Variants in NUP160 observed in about 807,000 individuals in gnomAD.
NUP160 encodes nucleoporin 160.
NUP160 carries 94 observed loss-of-function variants against 196.9 expected under a neutral mutation model. The ratio of observed to expected loss-of-function variants is 0.48; its 90% confidence interval spans 0.40 to 0.57. The LOEUF (loss-of-function observed/expected upper bound fraction) is 0.57, where lower values mean the gene tolerates loss of function less well. NUP160 is among the 20% of genes least tolerant of loss of function. The pLI is 0.00. For synonymous variants in NUP160, 605 were observed against 619.7 expected, an observed-to-expected ratio of 0.98 and a Z score of 0.35; for missense variants, 1,638 against 1,748.3, an observed-to-expected ratio of 0.94 and a Z score of 1.13.
intron 4 of NUP160, 162 bp downstream of exon 4, chr11:47,839,681 T>C (rs1318344762): frequency 1.5e-6 from 1 of 649,122 alleles, no homozygotes; most frequent in Non-Finnish European, 2.7e-6. Flanking sequence ...CCTTATCCAC[T>C]GTATAAAAGT....
intron 7 of NUP160, among the ~76,000 whole-genome samples, chr11:47,825,971 TAAAG>T (rs1006125982): frequency 1.2e-4 from 18 of 152,026 alleles, no homozygotes; most frequent in African/African-American, 4.1e-4. Context: ...AAAAAAGTAT[TAAAG>T]AAAAAAAAGC....
In NUP160 at chr11:47,798,036, C is replaced by A. The variant is rs2097671862; in HGVS notation, c.3125G>T (p.Cys1042Phe). The change falls in exon 26 of 36, where the codon TGT becomes TTT. Residue 1042 changes from cysteine (C) to phenylalanine (F), a missense_variant. Physicochemically the swap from Cys to Phe is radical, Grantham distance 205. Transcript: ENST00000378460. ...AAGATCCTGTAGCTGTGAGCGTTCACAAAGAACTACCACCAACTGCCGTAA... is the reference window on the plus strand; with the variant it reads ...AAGATCCTGTAGCTGTGAGCGTTCAAAAAGAACTACCACCAACTGCCGTAA... The A allele has an allele frequency of 6.3e-7, 1 of 1,578,452 alleles. No individual in the cohort carries two copies. Among genetic ancestry groups the A allele is most frequent in the Non-Finnish European group, 8.6e-7 (1 of 1,162,438 alleles).
At chr11:47,793,265 G>A (rs1298331529) in intron 27 of NUP160, among the ~76,000 whole-genome samples, 1 of 152,174 alleles carries the variant, frequency 6.6e-6, no homozygotes, top group African/African-American at 2.4e-5. Flanking sequence ...GATTACAGGT[G>A]TGAGCCACCA....
chr11:47,843,587 T>A (rs933799933), intron 2 of NUP160, among the ~76,000 whole-genome samples: 2 of 152,200 alleles, frequency 1.3e-5, no homozygotes, highest in Admixed American at 1.3e-4. Flanking sequence ...ACCAGGATAT[T>A]AAGCAATATC....
chr11:47,826,570 C>CT (rs1555005591), intron 7 of NUP160, among the ~76,000 whole-genome samples: 43 of 106,970 alleles, frequency 4.0e-4, no homozygotes, highest in African/African-American at 8.2e-4. Flanking sequence ...TCCCCCCCCC[C>CT]TTTTTTTTTT....
intron 7 of NUP160, among the ~76,000 whole-genome samples, chr11:47,835,393 C>T (rs1471476458): frequency 6.6e-6 from 1 of 152,200 alleles, no homozygotes; most frequent in Non-Finnish European, 1.5e-5. Context: ...TGTTTTTTCA[C>T]CTAGAACTCC....
At chr11:47,848,019 G>A (rs1476183735) in intron 1 of NUP160, 60 bp from the exon 2 acceptor site, 2 of 1,411,236 alleles carry the variant, frequency 1.4e-6, no homozygotes, top group Non-Finnish European at 2.0e-6. Flanking sequence ...AGGGACTAAG[G>A]GAGCTGACAA....
At chr11:47,790,353 G>A (rs978921684) in intron 29 of NUP160, among the ~76,000 whole-genome samples, 3 of 151,924 alleles carry the variant, frequency 2.0e-5, no homozygotes, top group East Asian at 3.9e-4. Flanking sequence ...TCAGCCTCCC[G>A]AGTTCAAGCA....
exon 35 of NUP160, chr11:47,780,407 T>C: frequency 1.9e-6 from 3 of 1,613,710 alleles, no homozygotes; most frequent in Non-Finnish European, 2.5e-6. Flanking sequence ...AATAGAGGAG[T>C]ATGGAAGCCA....
At chr11:47,839,993 T>C (rs767747515) in exon 4 of NUP160, 1 of 1,614,180 alleles carries the variant, frequency 6.2e-7, no homozygotes, top group Admixed American at 1.7e-5. Flanking sequence ...AACTGATAGT[T>C]GCAAGGATCT....
chr11:47,784,053 CAAAAA>C (rs1278594883), intron 33 of NUP160, among the ~76,000 whole-genome samples: 2 of 150,592 alleles, frequency 1.3e-5, no homozygotes, highest in Non-Finnish European at 3.0e-5. Context: ...CAAAACAAAA[CAAAAA>C]AAACCAAAAA....
chr11:47,813,234 G>A (rs1437506463), intron 14 of NUP160, 82 bp downstream of exon 14: 29 of 1,137,354 alleles, frequency 2.5e-5, no homozygotes, highest in Non-Finnish European at 2.8e-5. Context: ...TGTGGCAATC[G>A]ATATTTTTTG....
At position 47,801,936 on chromosome 11, in the gene NUP160, G is replaced by T; in HGVS notation, c.2776-6C>A. 1 of 1,613,406 alleles carries T rather than the reference G, an allele frequency of 6.2e-7. No homozygotes were observed. Among genetic ancestry groups the T allele is most frequent in the Non-Finnish European group, 8.5e-7 (1 of 1,179,538 alleles). On this transcript the variant is annotated splice_region_variant and splice_polypyrimidine_tract_variant and intron_variant, in intron 22 of 35. Coordinates refer to ENST00000378460, the Ensembl canonical transcript of NUP160. ...TGACAAAAACATTCCAGAGCCTGGAGAAATAAAATATAAAATGACTTGTAA... is the reference window on the plus strand; with the variant it reads ...TGACAAAAACATTCCAGAGCCTGGATAAATAAAATATAAAATGACTTGTAA...
chr11:47,838,636 G>A (rs533056370), intron 4 of NUP160, among the ~76,000 whole-genome samples: 3 of 151,972 alleles, frequency 2.0e-5, no homozygotes, highest in South Asian at 4.2e-4. Flanking sequence ...TGAACCTGGG[G>A]GGGGCGGAGG....
chr11:47,785,934 G>A (rs1296016864), intron 32 of NUP160, among the ~76,000 whole-genome samples: 1 of 152,222 alleles, frequency 6.6e-6, no homozygotes, highest in Non-Finnish European at 1.5e-5. Context: ...GAATGTTAGA[G>A]AAGGTTTCTG....
intron 10 of NUP160, among the ~76,000 whole-genome samples, chr11:47,819,147 C>A (rs1851801316): frequency 6.6e-6 from 1 of 151,942 alleles, no homozygotes; most frequent in African/African-American, 2.4e-5. Context: ...AACCCCGTCT[C>A]TACAAAAGTA....
chr11:47,821,514 C>T (rs1851856386), intron 9 of NUP160: 1 of 518,888 alleles, frequency 1.9e-6, no homozygotes, highest in Admixed American at 3.6e-5. Flanking sequence ...AGGCACCTGC[C>T]ACCAGGCCCA....
At position 47,812,090 on chromosome 11, in the gene NUP160, G is replaced by A; in HGVS notation, c.2215C>T (p.Gln739Ter). Residue 739 changes from glutamine (Q) to a stop codon, truncating the protein, a stop_gained, in exon 17 of 36, where the codon CAG (glutamine) becomes TAG (stop). Coordinates refer to ENST00000378460, the Ensembl canonical transcript of NUP160. LOFTEE classifies it high-confidence loss of function. ...GCATCTCCAAGCCTCATTAACAGCT[G>A]CTGTAAGATCAAAAGATCTCTGCAG... is the stretch of plus-strand genomic sequence containing the variant. 6.2e-7 allele frequency: 1 copy of A among 1,614,074 alleles called. No individual in the cohort carries two copies. Among genetic ancestry groups the A allele is most frequent in the Non-Finnish European group, 8.5e-7 (1 of 1,179,990 alleles).
At chr11:47,795,153 A>G (rs576831481) in intron 27 of NUP160, among the ~76,000 whole-genome samples, 21 of 152,318 alleles carry the variant, frequency 1.4e-4, no homozygotes, top group Admixed American at 3.9e-4. Context: ...CACATATTCA[A>G]TAAGATTCTG....
Sources: allele counts gnomAD v4.1 joint callset (sites outside exome capture counted in the v4.1 genomes callset), GRCh38; gene constraint gnomAD v4.1.1; transcripts MANE v1.5; gene names NCBI Gene and HGNC (gene_info 2026-07-23, HGNC 2026-07-21).